Variants in GPAT3 observed in about 807,000 individuals in gnomAD.
GPAT3 encodes the protein glycerol-3-phosphate acyltransferase 3, also known as 1-AGP acyltransferase 9.
A neutral mutation model predicts 58.8 loss-of-function variants in GPAT3; 53 were observed. The observed-to-expected ratio is 0.90, with a 90% CI of 0.72 to 1.13. The LOEUF is 1.13. Among genes scored for constraint, GPAT3 ranks in the 50% most tolerant of loss-of-function variants. The pLI is 0.00. For synonymous variants in GPAT3, 197 were observed against 187.4 expected (o/e 1.05, Z -0.42); for missense variants, 511 against 527.6 (o/e 0.97, Z 0.31).
At chr4:83,601,225 A>G (rs1727041751) in intron 11 of GPAT3, among the ~76,000 whole-genome samples, 2 of 152,234 alleles carry the variant, frequency 1.3e-5, no homozygotes, top group South Asian at 2.1e-4. Context: ...GAGAAAAAAT[A>G]TTGAGTTTTT....
In GPAT3 at chr4:83,588,444, G is replaced by A. The variant is rs79000056; in HGVS notation, c.644+145G>A. 1,383 of 670,742 alleles carry A rather than the reference G, an allele frequency of 2.1e-3. 20 individuals carry two copies. In the East Asian group the frequency reaches 0.032, roughly 16 times the overall value. The allele number at this position is 670,742 out of a possible 1,614,324, so 41.5% of individuals were successfully genotyped here. ...ATCTCTACTTCTCAGTGTGGCACAG[G>A]CATGATGCACAAAAACACTAAATAG... On this transcript the variant is annotated intron_variant, in intron 5 of 11. Coordinates refer to ENST00000264409, the MANE Select transcript of GPAT3 (RefSeq NM_032717.5).
At chr4:83,595,578 C>A (rs1174299390) in intron 7 of GPAT3, among the ~76,000 whole-genome samples, 4 of 151,964 alleles carry the variant, frequency 2.6e-5, no homozygotes, top group Admixed American at 1.3e-4. Flanking sequence ...ATAAAATTAG[C>A]CAAATGTGGT....
intron 2 of GPAT3, among the ~76,000 whole-genome samples, chr4:83,577,062 A>C (rs1725847097): frequency 6.6e-6 from 1 of 152,250 alleles, no homozygotes; most frequent in Non-Finnish European, 1.5e-5. Context: ...AGATGCACTG[A>C]GAATACCACA....
rs1560620736 is a variant in GPAT3 at position 83,578,985 on chromosome 4, T to TTTCTTTCTTTCC, written c.209-2574_209-2573insTTTCTTTCCTTC. Among the ~76,000 whole-genome samples the TTTCTTTCTTTCC allele has an allele frequency of 2.4e-4, 31 of 131,862 alleles. 1 individual carries two copies. Among genetic ancestry groups the TTTCTTTCTTTCC allele is most frequent in the Middle Eastern group, 3.6e-3 (1 of 274 alleles). The allele number at this position is 131,862 out of a possible 152,430, so 86.5% of individuals were successfully genotyped here. A position where few individuals can be genotyped will look rare whatever the true frequency, so the allele number is the denominator to read the frequency against. The stretch of plus-strand genomic sequence containing the variant: ...CTTTCTTTCTTTCTTTCTTTCTTTC[T>TTTCTTTCTTTCC]TTCCTTCCTTCCTTCCTTCCTTCCT... On this transcript the variant is annotated intron_variant, in intron 2 of 11. Transcript: ENST00000264409.
chr4:83,596,038 G>A (rs995739376), intron 7 of GPAT3, among the ~76,000 whole-genome samples: 1 of 152,224 alleles, frequency 6.6e-6, no homozygotes, highest in Non-Finnish European at 1.5e-5. Context: ...TGGAAATATA[G>A]GGTTGGTTGC....
At chr4:83,563,728 G>A (rs540508183) in intron 2 of GPAT3, among the ~76,000 whole-genome samples, 5 of 151,986 alleles carry the variant, frequency 3.3e-5, no homozygotes, top group East Asian at 1.9e-4. Flanking sequence ...TGACCCACCC[G>A]CCTTGGCCTC....
chr4:83,588,318 G>A lies in GPAT3; in HGVS notation c.644+19G>A, dbSNP rs1461473301. The A allele has an allele frequency of 3.7e-6, 6 of 1,600,628 alleles. No individual in the cohort carries two copies. Among genetic ancestry groups the A allele is most frequent in the African/African-American group, 1.3e-5 (1 of 74,362 alleles). On this transcript the variant is annotated intron_variant, in intron 5 of 11. Transcript: ENST00000264409. ...ATAACAAGTGAGTATCTGCTCCAAT[G>A]TGCCTGTCTTTTTCTAGGTCAATTC... is the stretch of plus-strand genomic sequence containing the variant.
In GPAT3 at chr4:83,578,042, C is replaced by G. The variant is rs568255505; in HGVS notation, c.209-3520C>G. On this transcript the variant is annotated intron_variant, in intron 2 of 11. Transcript: ENST00000264409. ...TCTCAAACTCCTGACCTCAAGTGAA[C>G]TGCCCACCTCGGCCTCCCAAAGTGC... Among the ~76,000 whole-genome samples, 65 of 152,182 alleles carry G rather than the reference C, an allele frequency of 4.3e-4. 1 individual carries two copies. The highest frequency in any genetic ancestry group is 1.5e-3 in the African/African-American group (62 of 41,534).
chr4:83,587,439 A>G, intron 4 of GPAT3, 110 bp downstream of exon 4: 1 of 1,014,514 alleles, frequency 9.9e-7, no homozygotes, highest in Non-Finnish European at 1.4e-6. Context: ...TATTATTATT[A>G]TTTTTGAGAC....
chr4:83,571,180 A>G (rs1394829147), intron 2 of GPAT3, among the ~76,000 whole-genome samples: 1 of 152,196 alleles, frequency 6.6e-6, no homozygotes, highest in Admixed American at 6.5e-5. Flanking sequence ...ATTCCTTTAT[A>G]TAATACCAAT....
chr4:83,590,382 T>A, intron 6 of GPAT3, 90 bp downstream of exon 6: 1 of 1,275,660 alleles, frequency 7.8e-7, no homozygotes, highest in South Asian at 1.3e-5. Flanking sequence ...AAGTTGGTTT[T>A]ATGTTAGAAA....
At chr4:83,604,552 T>G (rs916414118) in intron 11 of GPAT3, 116 bp from the exon 12 acceptor site, 3 of 731,940 alleles carry the variant, frequency 4.1e-6, no homozygotes, top group African/African-American at 3.6e-5. Context: ...GTTCTTTCCC[T>G]TATTTCATCC....
At chr4:83,562,778 AG>A (rs1330053485) in intron 2 of GPAT3, among the ~76,000 whole-genome samples, 1 of 148,950 alleles carries the variant, frequency 6.7e-6, no homozygotes, top group African/African-American at 2.5e-5. Context: ...ATGGAAACAG[AG>A]AGAGATAGAA....
chr4:83,544,674 T>C (rs1724441199), intron 2 of GPAT3, 72 bp downstream of exon 2: 2 of 1,398,332 alleles, frequency 1.4e-6, no homozygotes, highest in Admixed American at 1.7e-5. Context: ...CAATTTGAAC[T>C]TGAAATATGC....
At chr4:83,538,074 C>T (rs1252711897) in intron 1 of GPAT3, among the ~76,000 whole-genome samples, 1 of 152,118 alleles carries the variant, frequency 6.6e-6, no homozygotes, top group Non-Finnish European at 1.5e-5. Flanking sequence ...TCCACAGTGC[C>T]TTCTAATAAG....
intron 6 of GPAT3, among the ~76,000 whole-genome samples, chr4:83,592,432 A>T (rs942178880): frequency 6.6e-6 from 1 of 152,228 alleles, no homozygotes; most frequent in Non-Finnish European, 1.5e-5. Flanking sequence ...GTATTGAAAG[A>T]ACATCAAAGA....
chr4:83,561,612 T>C (rs1407639502), intron 2 of GPAT3, among the ~76,000 whole-genome samples: 2 of 152,126 alleles, frequency 1.3e-5, no homozygotes, highest in Non-Finnish European at 2.9e-5. Flanking sequence ...TGGGCAGGGA[T>C]TGCAAAATCA....
At position 83,590,181 on chromosome 4, in the gene GPAT3, C is replaced by T. The variant is rs776186280; in HGVS notation, c.645-18C>T. 2.5e-6 allele frequency: 4 copies of T among 1,605,438 alleles called. No individual in the cohort carries two copies. The South Asian group carries it at 3.3e-5, about 13-fold the overall frequency. On this transcript the variant is annotated intron_variant, in intron 5 of 11. Coordinates refer to ENST00000264409, the MANE Select transcript of GPAT3 (RefSeq NM_032717.5). Reference sequence around the variant, plus strand: ...CTATTTTAGAAGACTTCGAATTTTCCATTGTTTGTAATTGCAGGCAGTACA... The same window carrying T: ...CTATTTTAGAAGACTTCGAATTTTCTATTGTTTGTAATTGCAGGCAGTACA...
chr4:83,559,122 T>G (rs1725039957), intron 2 of GPAT3, among the ~76,000 whole-genome samples: 1 of 152,200 alleles, frequency 6.6e-6, no homozygotes, highest in Non-Finnish European at 1.5e-5. Context: ...GATAAATAGT[T>G]TAGAATTTTG....
Sources: allele counts gnomAD v4.1 joint callset (sites outside exome capture counted in the v4.1 genomes callset), GRCh38; gene constraint gnomAD v4.1.1; transcripts MANE v1.5; gene names NCBI Gene and HGNC (gene_info 2026-07-23, HGNC 2026-07-21).